Variants in SLC8A1 observed in about 807,000 individuals in gnomAD.
SLC8A1 encodes sodium/calcium exchanger 1.
A neutral mutation model predicts 68.3 loss-of-function variants in SLC8A1; 18 were observed. The ratio of observed to expected loss-of-function variants is 0.26; its 90% CI spans 0.18 to 0.39. The LOEUF (loss-of-function observed/expected upper bound fraction) is 0.39, where lower values mean the gene tolerates loss of function less well. SLC8A1 is among the 10% of genes least tolerant of loss of function. The pLI, the probability that SLC8A1 is intolerant of heterozygous loss-of-function variation, is 1.00. For missense variants in SLC8A1, 985 were observed against 1,156.7 expected (o/e 0.85, Z 2.15); for synonymous variants, 475 against 415.5 (o/e 1.14, Z -1.74).
intron 1 of SLC8A1, among the ~76,000 whole-genome samples, chr2:40,503,276 G>A (rs1263060957): frequency 6.6e-6 from 1 of 151,762 alleles, no homozygotes; most frequent in Non-Finnish European, 1.5e-5. Flanking sequence ...ATCTCTACTG[G>A]TCTGTGCCAT....
intron 2 of SLC8A1, among the ~76,000 whole-genome samples, chr2:40,425,318 A>G (rs1345185817): frequency 6.7e-6 from 1 of 149,296 alleles, no homozygotes; most frequent in Non-Finnish European, 1.5e-5. Context: ...TATATTATAA[A>G]TTTAAATGAC....
intron 2 of SLC8A1, among the ~76,000 whole-genome samples, chr2:40,315,210 G>C (rs1022050732): frequency 6.6e-6 from 1 of 151,774 alleles, no homozygotes; most frequent in African/African-American, 2.4e-5. Context: ...GACAGATGTT[G>C]GGTTTAGTTG....
At chr2:40,271,615 A>T (rs2066038533) in intron 2 of SLC8A1, among the ~76,000 whole-genome samples, 1 of 152,214 alleles carries the variant, frequency 6.6e-6, no homozygotes, top group African/African-American at 2.4e-5. Context: ...TGCAGAAGAA[A>T]AAGTTTCTTT....
At chr2:40,271,374 G>C (rs1350874908) in intron 2 of SLC8A1, among the ~76,000 whole-genome samples, 3 of 152,034 alleles carry the variant, frequency 2.0e-5, no homozygotes, top group African/African-American at 7.2e-5. Context: ...TGGAAGGGTT[G>C]ACCCCGGATC....
At chr2:40,247,908 G>T (rs1044322500) in intron 2 of SLC8A1, among the ~76,000 whole-genome samples, 1 of 152,128 alleles carries the variant, frequency 6.6e-6, no homozygotes, top group Non-Finnish European at 1.5e-5. Flanking sequence ...AATAGACTTG[G>T]AGGCAAAAAT....
intron 2 of SLC8A1, chr2:40,223,729 C>T (rs939529645): frequency 1.3e-5 from 2 of 152,010 alleles, no homozygotes; most frequent in African/African-American, 4.8e-5. Flanking sequence ...AGATGCTGGG[C>T]TCAAGACAGC....
intron 2 of SLC8A1, among the ~76,000 whole-genome samples, chr2:40,195,350 G>C (rs961277121): frequency 1.3e-5 from 2 of 151,880 alleles, no homozygotes; most frequent in Non-Finnish European, 2.9e-5. Context: ...AAGCTTATTG[G>C]GATGCTGAGG....
chr2:40,465,092 TA>T (rs1416755078), intron 1 of SLC8A1, among the ~76,000 whole-genome samples: 1 of 152,188 alleles, frequency 6.6e-6, no homozygotes, highest in Non-Finnish European at 1.5e-5. Context: ...AGTTGTCAAC[TA>T]GGGTTGTACC....
intron 2 of SLC8A1, among the ~76,000 whole-genome samples, chr2:40,231,757 A>T (rs1043845605): frequency 6.6e-5 from 10 of 152,128 alleles, no homozygotes; most frequent in African/African-American, 2.4e-4. Context: ...TTCATCAAGA[A>T]CTAGCAACAC....
At chr2:40,478,465 A>T (rs2149909897) in intron 1 of SLC8A1, among the ~76,000 whole-genome samples, 1 of 152,288 alleles carries the variant, frequency 6.6e-6, no homozygotes, top group African/African-American at 2.4e-5. Flanking sequence ...TACAAACCCA[A>T]ATATTTAAAA....
At chr2:40,370,540 G>A (rs548017513) in intron 2 of SLC8A1, among the ~76,000 whole-genome samples, 8 of 152,058 alleles carry the variant, frequency 5.3e-5, no homozygotes, top group African/African-American at 1.4e-4. Context: ...AAAACATCCT[G>A]GAAAAAACTG....
chr2:40,133,003 T>C (rs936601254), intron 7 of SLC8A1, among the ~76,000 whole-genome samples: 5 of 152,234 alleles, frequency 3.3e-5, no homozygotes, highest in African/African-American at 1.2e-4. Context: ...AATAGTTTCC[T>C]GTATTTTATA....
chr2:40,425,248 C>T (rs140768021), intron 2 of SLC8A1, among the ~76,000 whole-genome samples: 144 of 151,844 alleles, frequency 9.5e-4, no homozygotes, highest in Non-Finnish European at 1.5e-3. Flanking sequence ...TATCACTTAT[C>T]AAATTGAAAT....
rs77148628 is a variant in SLC8A1, at chr2:40,285,792, G to C, written c.1809-107937C>G. Among the ~76,000 whole-genome samples the C allele has an allele frequency of 7.8e-3, 1,193 of 152,242 alleles. 11 individuals carry two copies. Among genetic ancestry groups the C allele is most frequent in the African/African-American group, 0.028 (1,146 of 41,538 alleles). On this transcript the variant is annotated intron_variant, in intron 2 of 7. Coordinates refer to ENST00000406785, the Ensembl canonical transcript of SLC8A1. The stretch of plus-strand genomic sequence containing the variant: ...AACAACAAAATAATTAGTTAACTGA[G>C]ATAGAAATGAAAATCACACTGGTCC...
intron 2 of SLC8A1, among the ~76,000 whole-genome samples, chr2:40,271,779 C>G (rs2066063707): frequency 6.6e-6 from 1 of 152,122 alleles, no homozygotes; most frequent in African/African-American, 2.4e-5. Flanking sequence ...CATGGTCTAC[C>G]CTTCTTTCCC....
intron 2 of SLC8A1, among the ~76,000 whole-genome samples, chr2:40,420,756 T>C (rs1013919432): frequency 6.6e-6 from 1 of 152,144 alleles, no homozygotes; most frequent in Non-Finnish European, 1.5e-5. Flanking sequence ...TGAGCATGTG[T>C]TGAGGTTACT....
chr2:40,146,534 C>A (rs2042493199), intron 6 of SLC8A1, among the ~76,000 whole-genome samples: 1 of 151,984 alleles, frequency 6.6e-6, no homozygotes, highest in South Asian at 2.1e-4. Context: ...ATGTATTTTG[C>A]ACTTTATTTC....
At chr2:40,101,911 T>A (rs983008993) in exon 8 of SLC8A1, 2 of 152,126 alleles carry the variant, frequency 1.3e-5, no homozygotes, top group African/African-American at 4.8e-5. Flanking sequence ...GTCTAACAAA[T>A]TTCCAGTTGC....
intron 7 of SLC8A1, among the ~76,000 whole-genome samples, 191 bp downstream of exon 10, chr2:40,139,210 C>T (rs2041101717): frequency 6.6e-6 from 1 of 152,194 alleles, no homozygotes; most frequent in Non-Finnish European, 1.5e-5. Flanking sequence ...TGCAATGACA[C>T]TGACCGGCTT....
Sources: allele counts gnomAD v4.1 joint callset (sites outside exome capture counted in the v4.1 genomes callset), GRCh38; gene constraint gnomAD v4.1.1; transcripts MANE v1.5; gene names NCBI Gene and HGNC (gene_info 2026-07-23, HGNC 2026-07-21).